The following CLHC1 variants were observed in gnomAD, a reference collection of about 807,000 sequenced individuals.
CLHC1 encodes the protein clathrin heavy chain linker domain-containing protein 1.
A neutral mutation model predicts 69.5 loss-of-function variants in CLHC1; 72 were observed. The ratio of observed to expected loss-of-function variants is 1.04; its 90% CI spans 0.86 to 1.26. The LOEUF is 1.26. Ranked by LOEUF, CLHC1 falls within the 50% of genes most tolerant of loss-of-function variation. The pLI, the probability that CLHC1 is intolerant of heterozygous loss-of-function variation, is 0.00. For missense variants in CLHC1, 790 were observed against 679.3 expected (o/e 1.16, Z -1.81); for synonymous variants, 223 against 224.3 (o/e 0.99, Z 0.05).
chr2:55,175,516 T>G lies in CLHC1; in HGVS notation c.*274A>C. On this transcript the variant is annotated 3_prime_UTR_variant, in exon 13 of 13. Coordinates refer to ENST00000401408, the MANE Select transcript of CLHC1 (RefSeq NM_152385.4). ...TAATATATCTGGACATTAGCTTATG[T>G]CCTTAGATAAAAATGCCCTACACTG... 1 of 382,896 alleles carries G rather than the reference T, an allele frequency of 2.6e-6. No homozygotes were observed. The allele number at this position is 382,896 out of a possible 1,614,324, so 23.7% of individuals were successfully genotyped here.
At chr2:55,209,898 G>C in intron 5 of CLHC1, 67 bp from the exon 6 acceptor site, 2 of 982,850 alleles carry the variant, frequency 2.0e-6, no homozygotes, top group East Asian at 2.4e-5. Context: ...CAAAGAGCAA[G>C]TCTTAGAAAG....
At chr2:55,184,017 G>A (rs1670168255) in intron 9 of CLHC1, among the ~76,000 whole-genome samples, 1 of 152,062 alleles carries the variant, frequency 6.6e-6, no homozygotes, top group South Asian at 2.1e-4. Flanking sequence ...TTGACCTCGT[G>A]ATCCGCCTGC....
intron 2 of CLHC1, among the ~76,000 whole-genome samples, 193 bp downstream of exon 2, chr2:55,227,839 C>T (rs1314454422): frequency 9.9e-6 from 1 of 101,050 alleles, no homozygotes; most frequent in East Asian, 2.4e-4. Flanking sequence ...CCTTCAGAAA[C>T]TAATGACTCT....
chr2:55,173,136 A>G lies in CLHC1; in HGVS notation c.*2654T>C, dbSNP rs765489846. On this transcript the variant is annotated 3_prime_UTR_variant, in exon 13 of 13. Coordinates refer to ENST00000401408, the MANE Select transcript of CLHC1 (RefSeq NM_152385.4). The stretch of plus-strand genomic sequence containing the variant: ...TTGCAACTGCTATGTAAAGCAATCA[A>G]TGGCAAGAGGAAAAAAGGAGAGAAG... 6.6e-6 allele frequency among the ~76,000 whole-genome samples: 1 copy of G among 152,248 alleles called. No individual in the cohort carries two copies. Among genetic ancestry groups the G allele is most frequent in the African/African-American group, 2.4e-5 (1 of 41,462 alleles).
chr2:55,177,525 A>AAC, intron 12 of CLHC1, 77 bp downstream of exon 12: 1 of 999,606 alleles, frequency 1.0e-6, no homozygotes, highest in Non-Finnish European at 1.4e-6. Flanking sequence ...AATTTGAGTT[A>AAC]ACTCATGCAT....
rs1342829810 is a variant in CLHC1, at chr2:55,209,688, T to C, written c.643A>G (p.Ile215Val). Residue 215 changes from isoleucine to valine, a missense_variant, in exon 6 of 13, where the codon ATT becomes GTT. Physicochemically the swap from Ile to Val is conservative, Grantham distance 29. Coordinates refer to ENST00000401408, the MANE Select transcript of CLHC1 (RefSeq NM_152385.4). ...ACATCTCGCCGTTTTAATAACACAATCATTTCTTCATCTAAATCAGCCTTC... is the reference window on the plus strand; with the variant it reads ...ACATCTCGCCGTTTTAATAACACAACCATTTCTTCATCTAAATCAGCCTTC... ...QRKADLDEEM[I>V]VLLKRRDVAE... 1 of 1,614,114 alleles carries C rather than the reference T, an allele frequency of 6.2e-7. No individual in the cohort carries two copies. Among genetic ancestry groups the C allele is most frequent in the East Asian group, 2.2e-5 (1 of 44,868 alleles).
intron 4 of CLHC1, 110 bp downstream of exon 4, chr2:55,217,701 A>G: frequency 1.7e-6 from 1 of 599,126 alleles, no homozygotes. Context: ...CATCATTTAA[A>G]TAAAATTGAA....
chr2:55,198,644 C>T (rs1245323345), intron 9 of CLHC1, among the ~76,000 whole-genome samples: 1 of 151,980 alleles, frequency 6.6e-6, no homozygotes, highest in Non-Finnish European at 1.5e-5. Flanking sequence ...CTAGAGAAAG[C>T]TATCAATATT....
rs1669141645 is a variant in CLHC1, at chr2:55,173,647, G to A, written c.*2143C>T. On this transcript the variant is annotated 3_prime_UTR_variant, in exon 13 of 13. Transcript: ENST00000401408. ...TACCTCCTTCAGTGTAGCTTACATG[G>A]AGGCTCTTATAGCTTCAAAGCCCTC... Among the ~76,000 whole-genome samples the A allele has an allele frequency of 1.3e-5, 2 of 152,174 alleles. No homozygotes were observed. The highest frequency in any genetic ancestry group is 6.5e-5 in the Admixed American group (1 of 15,274).
chr2:55,227,647 C>A (rs1224493061), intron 2 of CLHC1, among the ~76,000 whole-genome samples: 2 of 141,112 alleles, frequency 1.4e-5, no homozygotes, highest in Non-Finnish European at 3.0e-5. Flanking sequence ...CACTGCACTC[C>A]AGCCTGGGCA....
intron 9 of CLHC1, among the ~76,000 whole-genome samples, chr2:55,187,244 A>G (rs938920515): frequency 2.6e-5 from 4 of 151,630 alleles, no homozygotes; most frequent in African/African-American, 9.7e-5. Context: ...GCGCCATTGC[A>G]CTCCAGCTTC....
At chr2:55,195,461 G>A (rs1671322633) in intron 9 of CLHC1, among the ~76,000 whole-genome samples, 1 of 152,172 alleles carries the variant, frequency 6.6e-6, no homozygotes, top group Non-Finnish European at 1.5e-5. Flanking sequence ...CAAGATGACT[G>A]AATAGAAGCC....
At chr2:55,191,954 T>C (rs572024175) in intron 9 of CLHC1, among the ~76,000 whole-genome samples, 1 of 152,128 alleles carries the variant, frequency 6.6e-6, no homozygotes, top group South Asian at 2.1e-4. Flanking sequence ...TGCACTAAGA[T>C]TGTTCCTATG....
chr2:55,222,138 T>C, intron 3 of CLHC1, 97 bp downstream of exon 3: 1 of 815,708 alleles, frequency 1.2e-6, no homozygotes. Context: ...AATGTTATCA[T>C]TCAAACAGTG....
At chr2:55,195,278 T>C (rs886807479) in intron 9 of CLHC1, among the ~76,000 whole-genome samples, 4 of 152,228 alleles carry the variant, frequency 2.6e-5, no homozygotes, top group Non-Finnish European at 5.9e-5. Context: ...AATGAGATCA[T>C]GTACTATTTG....
intron 3 of CLHC1, among the ~76,000 whole-genome samples, chr2:55,222,001 T>C (rs765117450): frequency 5.9e-5 from 9 of 152,172 alleles, no homozygotes; most frequent in Non-Finnish European, 1.2e-4. Flanking sequence ...AGGAAACTTA[T>C]AATCTGCTCT....
At chr2:55,210,825 C>G (rs1436392515) in intron 5 of CLHC1, among the ~76,000 whole-genome samples, 2 of 152,162 alleles carry the variant, frequency 1.3e-5, no homozygotes, top group Non-Finnish European at 2.9e-5. Context: ...AACTCTCTCT[C>G]TTTCTCTTCA....
chr2:55,199,792 A>G (rs1671765083), intron 9 of CLHC1, among the ~76,000 whole-genome samples: 2 of 152,184 alleles, frequency 1.3e-5, no homozygotes, highest in Non-Finnish European at 2.9e-5. Context: ...AGAGAAAATC[A>G]TCTTCACTAA....
intron 9 of CLHC1, among the ~76,000 whole-genome samples, chr2:55,189,718 G>A (rs1037108787): frequency 9.2e-5 from 14 of 152,154 alleles, no homozygotes; most frequent in Admixed American, 2.6e-4. Flanking sequence ...GTTCCCCACA[G>A]GTCATCAGCT....
Sources: gnomAD v4.1 joint callset for allele counts (sites outside exome capture counted in the v4.1 genomes callset) on GRCh38, gnomAD v4.1.1 for gene constraint, MANE v1.5 for transcripts, NCBI Gene and HGNC (gene_info 2026-07-23, HGNC 2026-07-21) for gene names.